ZC3HAV1: variants seen among roughly 807,000 people sequenced by gnomAD.
ZC3HAV1 encodes zinc finger CCCH-type containing, antiviral 1.
A neutral mutation model predicts 86.6 loss-of-function variants in ZC3HAV1; 41 were observed. The observed-to-expected ratio is 0.47, with a 90% CI of 0.37 to 0.61. The LOEUF is 0.61. Ranked by LOEUF, ZC3HAV1 falls within the 20% of genes least tolerant of loss-of-function variation. ZC3HAV1 has a pLI of 0.00. For missense variants in ZC3HAV1, 964 were observed against 1,141.1 expected, an observed-to-expected ratio of 0.84 and a Z score of 2.24; for synonymous variants, 421 against 432.1, an observed-to-expected ratio of 0.97 and a Z score of 0.32.
chr7:139,091,674 T>C (rs1174549650), intron 1 of ZC3HAV1, among the ~76,000 whole-genome samples: 1 of 151,994 alleles, frequency 6.6e-6, no homozygotes, highest in Non-Finnish European at 1.5e-5. Context: ...TGGAGTGCAG[T>C]GGCACAATCA....
chr7:139,062,629 G>A (rs1173599606), intron 8 of ZC3HAV1, among the ~76,000 whole-genome samples: 2 of 152,190 alleles, frequency 1.3e-5, no homozygotes, highest in Non-Finnish European at 2.9e-5. Flanking sequence ...GGCTCGAAGA[G>A]CAACTTCATC....
At chr7:139,097,428 A>ATATATTTTT in intron 1 of ZC3HAV1, among the ~76,000 whole-genome samples, 4 of 48,158 alleles carry the variant, frequency 8.3e-5, no homozygotes, top group African/African-American at 4.5e-4. Flanking sequence ...ATATATATAT[A>ATATATTTTT]TTTTTTTTTT....
chr7:139,047,496 G>A lies in ZC3HAV1; in HGVS notation c.*98C>T, dbSNP rs1815993641. ...CTGATCTAAGACATTAGATAACTGA[G>A]CAGGAAAATATAAAACTTTAACTCC... On this transcript the variant is annotated 3_prime_UTR_variant, in exon 13 of 13. Coordinates refer to ENST00000242351, the MANE Select transcript of ZC3HAV1 (RefSeq NM_020119.4). 6.5e-7 allele frequency: 1 copy of A among 1,529,262 alleles called. No homozygotes were observed. Among genetic ancestry groups the A allele is most frequent in the South Asian group, 1.2e-5 (1 of 83,768 alleles). The allele number at this position is 1,529,262 out of a possible 1,614,324, so 94.7% of individuals were successfully genotyped here. A position where few individuals can be genotyped will look rare whatever the true frequency, so the allele number is the denominator to read the frequency against.
chr7:139,054,169 C>T lies in ZC3HAV1; in HGVS notation c.2188-74G>A, dbSNP rs1482579050. 5 of 1,401,840 alleles carry T rather than the reference C, an allele frequency of 3.6e-6. No individual in the cohort carries two copies. The East Asian group carries it at 1.3e-4, about 37-fold the overall frequency. The allele number at this position is 1,401,840 out of a possible 1,614,324, so 86.8% of individuals were successfully genotyped here. On this transcript the variant is annotated intron_variant, in intron 10 of 12. Transcript: ENST00000242351. Reference sequence around the variant, plus strand: ...CATGATACATCCACATATGTGCCCCCTTATGCCATGAAGTATTGTTACCAG... The same window carrying T: ...CATGATACATCCACATATGTGCCCCTTTATGCCATGAAGTATTGTTACCAG...
intron 12 of ZC3HAV1, among the ~76,000 whole-genome samples, chr7:139,051,292 A>G (rs1584834406): frequency 1.3e-5 from 2 of 151,928 alleles, no homozygotes; most frequent in East Asian, 3.9e-4. Flanking sequence ...TCCTGACCTC[A>G]AGTGATCTGC....
intron 2 of ZC3HAV1, 104 bp downstream of exon 2, chr7:139,089,519 AC>A: frequency 7.2e-7 from 1 of 1,391,544 alleles, no homozygotes; most frequent in Non-Finnish European, 9.6e-7. Flanking sequence ...CACCTGCAGA[AC>A]CCTGGCATTA....
intron 3 of ZC3HAV1, among the ~76,000 whole-genome samples, chr7:139,082,875 G>T (rs1320758764): frequency 5.3e-5 from 8 of 151,182 alleles, no homozygotes; most frequent in East Asian, 3.9e-4. Context: ...TAAAATATTG[G>T]TTTTTTTTTA....
Position 139,108,954 on chromosome 7 carries a change from A to C in ZC3HAV1, c.308+70T>G. 6.8e-7 allele frequency: 1 copy of C among 1,470,232 alleles called. No homozygotes were observed. The highest frequency in any genetic ancestry group is 9.1e-7 in the Non-Finnish European group (1 of 1,100,638). 91.1% of individuals were successfully genotyped at this position (1,470,232 alleles called of 1,614,324 possible). On this transcript the variant is annotated intron_variant, in intron 1 of 12. Transcript: ENST00000242351. This position sits in a 1 kb window ranked among gnomAD's most constrained non-coding sequence, Gnocchi z 4.2. ...CCGGCGAAGCCGTGCCCCTCCCAGAACATTGCCCGCCTGGACAGTCCACCC... is the reference window on the plus strand; with the variant it reads ...CCGGCGAAGCCGTGCCCCTCCCAGACCATTGCCCGCCTGGACAGTCCACCC...
intron 7 of ZC3HAV1, among the ~76,000 whole-genome samples, chr7:139,069,626 C>T (rs1009864809): frequency 2.0e-5 from 3 of 152,178 alleles, no homozygotes; most frequent in African/African-American, 7.2e-5. Flanking sequence ...TCAATCATCA[C>T]TTCTCCTAAT....
Position 139,080,186 on chromosome 7 carries a change from C to T in ZC3HAV1, c.755G>A (p.Arg252Gln). ...AAATTCTTGGCTGCCCTGAAAGAACCGATCTCTACTCTTGCTTCTAGCCCT... is the reference window on the plus strand; with the variant it reads ...AAATTCTTGGCTGCCCTGAAAGAACTGATCTCTACTCTTGCTTCTAGCCCT... ...AYRARSKSRD[R>Q]FFQGSQEFLA... The change falls in exon 4 of 13, where the codon CGG becomes CAG. Residue 252 changes from arginine to glutamine, a missense_variant. Transcript: ENST00000242351. The T allele has an allele frequency of 6.8e-6, 11 of 1,614,122 alleles. No individual in the cohort carries two copies. The highest frequency in any genetic ancestry group is 8.5e-6 in the Non-Finnish European group (10 of 1,180,042).
chr7:139,058,291 A>T (rs1816344063), intron 9 of ZC3HAV1, among the ~76,000 whole-genome samples: 1 of 151,886 alleles, frequency 6.6e-6, no homozygotes, highest in African/African-American at 2.4e-5. Context: ...TGTCTCTATT[A>T]AAAAATAAAA....
rs369223952 is a variant in ZC3HAV1 at position 139,043,740 on chromosome 7, G to C, written c.*3854C>G. On this transcript the variant is annotated 3_prime_UTR_variant, in exon 13 of 13. Coordinates refer to ENST00000242351, the MANE Select transcript of ZC3HAV1 (RefSeq NM_020119.4). ...GGGGGCTTACATTCTAATGCAGAAAGCAGATAATTTCAGTTTGGATACATA... is the reference window on the plus strand; with the variant it reads ...GGGGGCTTACATTCTAATGCAGAAACCAGATAATTTCAGTTTGGATACATA... 7.2e-5 allele frequency: 11 copies of C among 152,294 alleles called. No individual in the cohort carries two copies. Among genetic ancestry groups the C allele is most frequent in the African/African-American group, 2.6e-4 (11 of 41,564 alleles). The allele number at this position is 152,294 out of a possible 1,614,324, so 9.4% of individuals were successfully genotyped here.
chr7:139,050,923 A>C (rs1816102744), intron 12 of ZC3HAV1, among the ~76,000 whole-genome samples: 1 of 152,190 alleles, frequency 6.6e-6, no homozygotes, highest in Non-Finnish European at 1.5e-5. Context: ...AGTCAAGTTT[A>C]GCTCTTTATG....
intron 1 of ZC3HAV1, among the ~76,000 whole-genome samples, chr7:139,093,610 C>A (rs774652640): frequency 3.3e-5 from 5 of 152,220 alleles, no homozygotes; most frequent in African/African-American, 4.8e-5. Flanking sequence ...CACTGAGCAC[C>A]TTGTGTCCCC....
chr7:139,066,294 C>A (rs774818389), intron 7 of ZC3HAV1, among the ~76,000 whole-genome samples: 7 of 152,148 alleles, frequency 4.6e-5, no homozygotes, highest in Admixed American at 6.5e-5. Flanking sequence ...CCTTCCTCTT[C>A]CCTAGTGGAA....
intron 6 of ZC3HAV1, among the ~76,000 whole-genome samples, chr7:139,075,934 C>A (rs577653760): frequency 2.0e-5 from 3 of 152,296 alleles, no homozygotes; most frequent in South Asian, 4.1e-4. Context: ...TTTAATAGTT[C>A]TGTGATGAAC....
intron 5 of ZC3HAV1, 151 bp downstream of exon 5, chr7:139,078,401 C>T: frequency 1.6e-6 from 1 of 609,270 alleles, no homozygotes; most frequent in South Asian, 2.1e-5. Context: ...CATAGAAGTA[C>T]TATATGATCC....
intron 7 of ZC3HAV1, among the ~76,000 whole-genome samples, chr7:139,070,265 A>T (rs1816729355): frequency 6.6e-6 from 1 of 152,206 alleles, no homozygotes; most frequent in African/African-American, 2.4e-5. Flanking sequence ...TACATTCTAA[A>T]AACTCCACAG....
At chr7:139,100,324 G>C (rs1451813364) in intron 1 of ZC3HAV1, among the ~76,000 whole-genome samples, 1 of 151,902 alleles carries the variant, frequency 6.6e-6, no homozygotes, top group African/African-American at 2.4e-5. Flanking sequence ...GAGGTCAGGA[G>C]ATCGAGACCA....
Sources: allele counts gnomAD v4.1 joint callset (sites outside exome capture counted in the v4.1 genomes callset), GRCh38; gene constraint gnomAD v4.1.1; non-coding constraint Gnocchi (gnomAD v3.1); transcripts MANE v1.5; gene names NCBI Gene and HGNC (gene_info 2026-07-23, HGNC 2026-07-21).